The following MGA variants were observed in gnomAD, a reference collection of about 807,000 sequenced individuals.
MGA encodes MAX dimerization protein MGA, also known as MAX gene-associated protein.
Under a neutral mutation model 261.1 loss-of-function variants are expected in MGA, and 40 were observed. The observed-to-expected ratio is 0.15, with a 90% confidence interval of 0.12 to 0.20. The LOEUF is 0.20. Ranked by LOEUF, MGA falls within the 10% of genes least tolerant of loss-of-function variation. The pLI is 1.00. For missense variants in MGA, 3,397 were observed against 3,630.5 expected, an observed-to-expected ratio of 0.94 and a Z score of 1.65; for synonymous variants, 1,302 against 1,290.6, an observed-to-expected ratio of 1.01 and a Z score of -0.19.
chr15:41,748,585 AC>A lies in MGA; in HGVS notation c.5213-51del, dbSNP rs2062646537. On this transcript the variant is annotated intron_variant, in intron 15 of 23. Transcript: ENST00000219905. ...AATATTATGAATACTTTTTTTTCCTACGTGTGTTAAAGGGGAATTTGGGTAC... is the reference window on the plus strand; with the variant it reads ...AATATTATGAATACTTTTTTTTCCTAGTGTGTTAAAGGGGAATTTGGGTAC... 7.7e-6 allele frequency: 12 copies of A among 1,550,218 alleles called. 1 individual carries two copies. In the South Asian group the frequency reaches 1.3e-4, roughly 17 times the overall value.
intron 14 of MGA, 113 bp from the exon 15 acceptor site, chr15:41,742,433 A>T: frequency 8.6e-7 from 1 of 1,167,938 alleles, no homozygotes; most frequent in Non-Finnish European, 1.2e-6. Context: ...ACAGGTAGGT[A>T]GTACCTGTAA....
chr15:41,632,217 G>A (rs576977872), intron 1 of MGA, among the ~76,000 whole-genome samples: 1 of 152,320 alleles, frequency 6.6e-6, no homozygotes, highest in South Asian at 2.1e-4. Flanking sequence ...ATATTTTAAT[G>A]TATGGACCTT....
chr15:41,659,853 C>A (rs1363546064), upstream of MGA, among the ~76,000 whole-genome samples: 1 of 152,244 alleles, frequency 6.6e-6, no homozygotes, highest in East Asian at 1.9e-4. Context: ...CCCCATTTTC[C>A]TAGTCGTCTT....
chr15:41,752,549 GTTTTTTTTTTTTT>G (rs35282917), intron 17 of MGA, among the ~76,000 whole-genome samples: 5 of 102,146 alleles, frequency 4.9e-5, no homozygotes, highest in Admixed American at 2.4e-4. Context: ...AACCTTTAAA[GTTTTTTTTTTTTT>G]TTTTTTTTTT....
At chr15:41,674,527 ATTTTTT>A (rs577320137) in intron 2 of MGA, among the ~76,000 whole-genome samples, 16 of 147,404 alleles carry the variant, frequency 1.1e-4, no homozygotes, top group Admixed American at 4.7e-4. Context: ...TTTTATTTTT[ATTTTTT>A]TTTTTAGACA....
At chr15:41,720,705 C>T (rs1478530220) in intron 9 of MGA, among the ~76,000 whole-genome samples, 2 of 152,088 alleles carry the variant, frequency 1.3e-5, no homozygotes, top group African/African-American at 2.4e-5. Context: ...TGGTGGTGTG[C>T]GCCTGTAATC....
intron 1 of MGA, among the ~76,000 whole-genome samples, chr15:41,643,164 A>G (rs2056859842): frequency 6.7e-6 from 1 of 149,208 alleles, no homozygotes; most frequent in South Asian, 2.1e-4. Context: ...TTGGCCTCTC[A>G]AAGTGCTGGG....
In MGA at chr15:41,768,120, C is replaced by T. The variant is rs2063889259; in HGVS notation, c.*840C>T. 6.6e-6 allele frequency: 1 copy of T among 152,542 alleles called. No individual in the cohort carries two copies. Among genetic ancestry groups the T allele is most frequent in the Admixed American group, 6.5e-5 (1 of 15,268 alleles). The allele number at this position is 152,542 out of a possible 1,614,324, so 9.4% of individuals were successfully genotyped here. ...AGCTAAAATAAAATGCATTATCTCC[C>T]CAGACCAGAGACAGTGGCCAAAATA... is the stretch of plus-strand genomic sequence containing the variant. On this transcript the variant is annotated 3_prime_UTR_variant, in exon 24 of 24. Transcript: ENST00000219905.
intron 1 of MGA, among the ~76,000 whole-genome samples, chr15:41,651,467 G>C (rs2057040735): frequency 6.6e-6 from 1 of 152,010 alleles, no homozygotes; most frequent in Admixed American, 6.6e-5. Context: ...TCTCCTTCAA[G>C]AGTCAGCTGA....
upstream of MGA, among the ~76,000 whole-genome samples, chr15:41,659,335 A>C (rs80078127): frequency 2.0e-5 from 3 of 151,628 alleles, no homozygotes; most frequent in South Asian, 2.1e-4. Flanking sequence ...CTCCTTCCTT[A>C]GTCTTCTCAT....
intron 1 of MGA, among the ~76,000 whole-genome samples, chr15:41,638,692 T>C (rs865955978): frequency 7.0e-4 from 102 of 146,418 alleles, no homozygotes; most frequent in Middle Eastern, 3.4e-3. Flanking sequence ...CTTTTTCTTT[T>C]TTTTTTTTTT....
At chr15:41,719,460 G>T (rs2060824328) in intron 9 of MGA, among the ~76,000 whole-genome samples, 1 of 152,154 alleles carries the variant, frequency 6.6e-6, no homozygotes, top group Admixed American at 6.6e-5. Context: ...AATGTACCTG[G>T]CCACACGTGG....
chr15:41,700,782 T>A (rs780345289), intron 5 of MGA, among the ~76,000 whole-genome samples: 94 of 152,328 alleles, frequency 6.2e-4, no homozygotes, highest in Non-Finnish European at 1.1e-3. Context: ...CTATCTTTGA[T>A]TTTAGATAGG....
In MGA at chr15:41,696,113, C is replaced by T; in HGVS notation, c.1103C>T (p.Ala368Val). The change falls in exon 3 of 24, where the codon GCC (alanine) becomes GTC (valine). Residue 368 changes from alanine to valine, a missense_variant. Ala to Val is a moderately conservative substitution (Grantham distance 64, BLOSUM62 0). Coordinates refer to ENST00000219905, the MANE Select transcript of MGA (RefSeq NM_001164273.2). ...AGTTTTGAAGATGACTCCCGTGTAG[C>T]CTCACCGTTAGACCAGAACGGAAGC... 2 of 1,613,486 alleles carry T rather than the reference C, an allele frequency of 1.2e-6. No individual in the cohort carries two copies. Among genetic ancestry groups the T allele is most frequent in the Admixed American group, 3.3e-5 (2 of 59,936 alleles).
At chr15:41,692,328 C>G (rs1269162107) in intron 2 of MGA, among the ~76,000 whole-genome samples, 2 of 152,298 alleles carry the variant, frequency 1.3e-5, no homozygotes, top group Middle Eastern at 3.4e-3. Flanking sequence ...CTGCAGAAGT[C>G]CTCTGGAGGG....
chr15:41,764,169 A>T (rs566529655), intron 22 of MGA, among the ~76,000 whole-genome samples: 104 of 137,644 alleles, frequency 7.6e-4, no homozygotes, highest in African/African-American at 2.3e-3. Context: ...AAAAAAAATT[A>T]AAAAAAAAAA....
chr15:41,760,758 C>T (rs557799196), intron 20 of MGA, among the ~76,000 whole-genome samples: 13 of 150,266 alleles, frequency 8.7e-5, no homozygotes, highest in Admixed American at 1.3e-4. Context: ...TCTTTTGAGA[C>T]GGAGTTTTGC....
chr15:41,706,475 G>GTTA (rs1431797478), intron 5 of MGA, among the ~76,000 whole-genome samples: 3 of 151,406 alleles, frequency 2.0e-5, no homozygotes, highest in Non-Finnish European at 4.4e-5. Context: ...CCTACCTAAT[G>GTTA]TCTTTACCTG....
chr15:41,693,657 T>A (rs1439242920), intron 2 of MGA, among the ~76,000 whole-genome samples: 1 of 152,176 alleles, frequency 6.6e-6, no homozygotes, highest in Non-Finnish European at 1.5e-5. Flanking sequence ...GACACTAATG[T>A]AATATTTTCT....
Sources: allele counts gnomAD v4.1 joint callset (sites outside exome capture counted in the v4.1 genomes callset), GRCh38; gene constraint gnomAD v4.1.1; transcripts MANE v1.5; gene names NCBI Gene and HGNC (gene_info 2026-07-23, HGNC 2026-07-21).